The following IL12RB1 variants were observed in gnomAD, a reference collection of about 807,000 sequenced individuals.
The protein encoded by IL12RB1 is interleukin 12 receptor subunit beta 1.
IL12RB1 carries 64 observed loss-of-function variants against 94.4 expected under a neutral mutation model. The ratio of observed to expected loss-of-function variants is 0.68; its 90% CI spans 0.55 to 0.83. The LOEUF (loss-of-function observed/expected upper bound fraction) is 0.83. Among genes scored for constraint, IL12RB1 ranks in the 40% least tolerant of loss-of-function variants. The pLI is 0.00. For missense variants in IL12RB1, 814 were observed against 855.6 expected (o/e 0.95, Z 0.61); for synonymous variants, 362 against 355.5 (o/e 1.02, Z -0.21).
At chr19:18,079,927 C>T (rs1379560997) in intron 4 of IL12RB1, among the ~76,000 whole-genome samples, 11 of 152,134 alleles carry the variant, frequency 7.2e-5, no homozygotes, top group Non-Finnish European at 2.9e-5. Flanking sequence ...AAAGATTATA[C>T]ATGTAAGTGA....
chr19:18,069,518 G>A (rs755740542), intron 10 of IL12RB1, 28 bp downstream of exon 10: 1 of 1,579,280 alleles, frequency 6.3e-7, no homozygotes, highest in South Asian at 1.1e-5. Flanking sequence ...CAGAGGAGGG[G>A]TAGGCGCAGG....
At chr19:18,083,719 T>A (rs995225736) in intron 1 of IL12RB1, among the ~76,000 whole-genome samples, 7 of 150,782 alleles carry the variant, frequency 4.6e-5, no homozygotes, top group African/African-American at 1.5e-4. Context: ...TACCCATCCA[T>A]CCACCCATGA....
rs368411705 is a variant in IL12RB1 at position 18,077,645 on chromosome 19, C to T, written c.420G>A (p.Glu140=). ...ACACCTTGATGTCTCCCAGAGGAGG[C>T]TCATATTTAACTGGAAGCAGAGGTA... ...TLQLYNSVKY[E]PPLGDIKVSK... is the part of the protein sequence containing the mutation. The change falls in exon 5 of 17, where the codon GAG becomes GAA. Residue 140 remains glutamate (E), a synonymous_variant. Coordinates refer to ENST00000593993, the MANE Select transcript of IL12RB1 (RefSeq NM_005535.3). The T allele has an allele frequency of 6.3e-7, 1 of 1,591,512 alleles. No homozygotes were observed. The highest frequency in any genetic ancestry group is 1.7e-5 in the Admixed American group (1 of 59,982).
rs545398006 is a variant in IL12RB1 at position 18,083,228 on chromosome 19, A to G, written c.124+204T>C. 1.6e-3 allele frequency: 1,040 copies of G among 656,940 alleles called. 8 individuals carry two copies. The highest frequency in any genetic ancestry group is 1.7e-3 in the Non-Finnish European group (625 of 359,998). The allele number at this position is 656,940 out of a possible 1,614,324, so 40.7% of individuals were successfully genotyped here. A position where few individuals can be genotyped will look rare whatever the true frequency, so the allele number is the denominator to read the frequency against. On this transcript the variant is annotated intron_variant, in intron 2 of 16. Coordinates refer to ENST00000593993, the MANE Select transcript of IL12RB1 (RefSeq NM_005535.3). ...CCTGAGACCATGCTAGGGAAGTGATAATGTTCAGAGAGGCGGCTGGCTACT... is the reference window on the plus strand; with the variant it reads ...CCTGAGACCATGCTAGGGAAGTGATGATGTTCAGAGAGGCGGCTGGCTACT...
At position 18,078,165 on chromosome 19, in the gene IL12RB1, T is replaced by C. The variant is rs147794524; in HGVS notation, c.410-510A>G. ...GGCTCATAGCTGTAATCCTAGCACT[T>C]TGGGAAGCCAAGGTGGGTGGATCAT... On this transcript the variant is annotated intron_variant, in intron 4 of 16. Transcript: ENST00000593993. 1.3e-3 allele frequency among the ~76,000 whole-genome samples: 191 copies of C among 152,160 alleles called. 1 individual carries two copies. Among genetic ancestry groups the C allele is most frequent in the African/African-American group, 4.4e-3 (181 of 41,520 alleles).
chr19:18,086,992 A>G, upstream of IL12RB1: 1 of 1,445,908 alleles, frequency 6.9e-7, no homozygotes, highest in Non-Finnish European at 9.3e-7. Flanking sequence ...AAGGCAAGTC[A>G]AAGTGAAAGA....
Position 18,077,649 on chromosome 19 carries a change from T to C in IL12RB1, c.416A>G (p.Tyr139Cys), listed in dbSNP as rs752537440. The part of the protein sequence containing the change: ...VTLQLYNSVK[Y>C]EPPLGDIKVS... The stretch of plus-strand genomic sequence containing the variant: ...CTTGATGTCTCCCAGAGGAGGCTCA[T>C]ATTTAACTGGAAGCAGAGGTAGGGA... Residue 139 changes from tyrosine (Y) to cysteine (C), a missense_variant, in exon 5 of 17, where the codon TAT becomes TGT. Transcript: ENST00000593993. 32 of 1,590,300 alleles carry C rather than the reference T, an allele frequency of 2.0e-5. No individual in the cohort carries two copies. The East Asian group carries it at 6.5e-4, about 32-fold the overall frequency.
At chr19:18,075,252 C>CTTTTTTTTTTTTTTTTTATT (rs71164363) in intron 7 of IL12RB1, among the ~76,000 whole-genome samples, 1 of 132,970 alleles carries the variant, frequency 7.5e-6, no homozygotes, top group African/African-American at 2.7e-5. Context: ...TTTATTATTA[C>CTTTTTTTTTTTTTTTTTATT]TTTTTTTTTT....
chr19:18,066,485 A>G (rs2034590162), intron 12 of IL12RB1, 57 bp downstream of exon 12: 4 of 1,262,964 alleles, frequency 3.2e-6, no homozygotes, highest in Non-Finnish European at 4.6e-6. Flanking sequence ...AGCAAGAGAG[A>G]TCACAGGCCA....
intron 13 of IL12RB1, 22 bp downstream of exon 13, chr19:18,063,854 G>C: frequency 6.2e-7 from 1 of 1,608,374 alleles, no homozygotes; most frequent in Non-Finnish European, 8.5e-7. Flanking sequence ...GTAAATAACT[G>C]GGTCCTACCC....
At chr19:18,081,283 A>C (rs550340963) in intron 3 of IL12RB1, among the ~76,000 whole-genome samples, 1 of 151,598 alleles carries the variant, frequency 6.6e-6, no homozygotes, top group Admixed American at 6.6e-5. Context: ...TTTAGTAGAG[A>C]TGGAGTTTCA....
chr19:18,075,999 G>T, intron 6 of IL12RB1, 131 bp from the exon 7 acceptor site: 1 of 888,568 alleles, frequency 1.1e-6, no homozygotes, highest in Admixed American at 1.8e-5. Context: ...GGGCTCAGCA[G>T]AAGCAGGCCA....
chr19:18,075,252 CTT>C (rs71164363), intron 7 of IL12RB1, among the ~76,000 whole-genome samples: 3 of 132,954 alleles, frequency 2.3e-5, no homozygotes, highest in East Asian at 2.2e-4. Context: ...TTTATTATTA[CTT>C]TTTTTTTTTT....
At chr19:18,068,798 G>GTCA (rs1351778856) in intron 10 of IL12RB1, among the ~76,000 whole-genome samples, 1 of 149,932 alleles carries the variant, frequency 6.7e-6, no homozygotes, top group Non-Finnish European at 1.5e-5. Flanking sequence ...ACCCAGGCTG[G>GTCA]AGTGCAATAG....
chr19:18,094,524 CT>C (rs1430364270), intron 1 of IL12RB1, among the ~76,000 whole-genome samples: 1 of 152,032 alleles, frequency 6.6e-6, no homozygotes, highest in Non-Finnish European at 1.5e-5. Context: ...TTAAATTTAA[CT>C]GGGTGTTTGC....
intron 4 of IL12RB1, among the ~76,000 whole-genome samples, chr19:18,080,413 A>T (rs551642451): frequency 6.6e-6 from 1 of 151,778 alleles, no homozygotes; most frequent in Non-Finnish European, 1.5e-5. Flanking sequence ...TAATTTTTGT[A>T]TTTTTAATAG....
chr19:18,091,848 C>T (rs574791446), upstream of IL12RB1, among the ~76,000 whole-genome samples: 5 of 150,852 alleles, frequency 3.3e-5, no homozygotes, highest in South Asian at 1.0e-3. Context: ...AGGCCAATGC[C>T]ACCATGATGC....
At chr19:18,074,357 G>A (rs1343066224) in intron 7 of IL12RB1, among the ~76,000 whole-genome samples, 2 of 152,138 alleles carry the variant, frequency 1.3e-5, no homozygotes, top group East Asian at 3.9e-4. Flanking sequence ...CTGTTGCCCA[G>A]GCTCAGGGCA....
intron 1 of IL12RB1, chr19:18,097,880 G>A: frequency 8.2e-7 from 1 of 1,220,872 alleles, no homozygotes; most frequent in African/African-American, 1.6e-5. Flanking sequence ...CGGCCAAGTG[G>A]ACGCGGCCTG....
Sources: gnomAD v4.1 joint callset for allele counts (sites outside exome capture counted in the v4.1 genomes callset) on GRCh38, gnomAD v4.1.1 for gene constraint, MANE v1.5 for transcripts, NCBI Gene and HGNC (gene_info 2026-07-23, HGNC 2026-07-21) for gene names.